Variants in PPP1R9A observed in about 807,000 individuals in gnomAD.
PPP1R9A encodes neurabin-1.
Under a neutral mutation model 141.9 loss-of-function variants are expected in PPP1R9A, and 59 were observed. The ratio of observed to expected loss-of-function variants is 0.42; its 90% CI spans 0.34 to 0.52. The LOEUF (loss-of-function observed/expected upper bound fraction) is 0.52, where lower values mean the gene tolerates loss of function less well. Ranked by LOEUF, PPP1R9A falls within the 20% of genes least tolerant of loss-of-function variation. The pLI, the probability that PPP1R9A is intolerant of heterozygous loss-of-function variation, is 0.10. For missense variants in PPP1R9A, 1,444 were observed against 1,611.9 expected, an observed-to-expected ratio of 0.90 and a Z score of 1.78; for synonymous variants, 500 against 569.7, an observed-to-expected ratio of 0.88 and a Z score of 1.74.
chr7:95,153,034 G>A (rs778602563), intron 4 of PPP1R9A, among the ~76,000 whole-genome samples: 63 of 151,880 alleles, frequency 4.1e-4, no homozygotes, highest in Non-Finnish European at 1.3e-4. Flanking sequence ...ATTTTTAATA[G>A]AGGTAGAGTT....
In PPP1R9A at chr7:95,284,227, C is replaced by T. The variant is rs760155505; in HGVS notation, c.3506C>T (p.Thr1169Ile). 1 of 1,567,338 alleles carries T rather than the reference C, an allele frequency of 6.4e-7. No homozygotes were observed. ...AAAAAGGGGTCCAAGGTAGAAAACA[C>T]ATGGATTACAAAAGCAAACAAGAGA... is the stretch of plus-strand genomic sequence containing the variant. Reference protein sequence around the residue: ...SDKKGSKVENTWITKANKRNP... With the variant: ...SDKKGSKVENIWITKANKRNP... The change falls in exon 17 of 20, where the codon ACA becomes ATA. Residue 1169 changes from threonine (T) to isoleucine (I), a missense_variant. Thr to Ile is a moderately conservative substitution (Grantham distance 89, BLOSUM62 -1). This residue lies in a region of PPP1R9A where 459 missense variants were observed against 513.8 expected (regional missense o/e 0.89). Transcript: ENST00000433360.
intron 2 of PPP1R9A, among the ~76,000 whole-genome samples, chr7:94,980,362 T>C (rs1245241783): frequency 6.6e-6 from 1 of 152,122 alleles, no homozygotes; most frequent in Non-Finnish European, 1.5e-5. Flanking sequence ...ATTAATATTG[T>C]ATTAATATTA....
At chr7:95,162,016 G>A in intron 5 of PPP1R9A, 45 bp downstream of exon 5, 1 of 1,237,952 alleles carries the variant, frequency 8.1e-7, no homozygotes, top group Non-Finnish European at 1.1e-6. Flanking sequence ...TACTTTAGTT[G>A]AATTTTAATT....
At chr7:95,229,061 G>T (rs942648330) in intron 8 of PPP1R9A, among the ~76,000 whole-genome samples, 4 of 152,006 alleles carry the variant, frequency 2.6e-5, no homozygotes, top group Admixed American at 2.6e-4. Context: ...AATGAAGGTT[G>T]CCACAGCACT....
chr7:95,135,924 C>T (rs1348637236), intron 4 of PPP1R9A, among the ~76,000 whole-genome samples: 4 of 129,020 alleles, frequency 3.1e-5, no homozygotes, highest in African/African-American at 8.6e-5. Context: ...CATGGCTCAA[C>T]TTTAATTTGG....
In PPP1R9A at chr7:94,965,044, G is replaced by A. The variant is rs574243104; in HGVS notation, c.1395+53536G>A. The stretch of plus-strand genomic sequence containing the variant: ...AACTAGCATGAGATGGTATCTCATT[G>A]TGGTTTTCATTTGTATTTCTCTAAT... On this transcript the variant is annotated intron_variant, in intron 2 of 19. Coordinates refer to ENST00000433360, the MANE Select transcript of PPP1R9A (RefSeq NM_001166160.2). Among the ~76,000 whole-genome samples the A allele has an allele frequency of 6.6e-5, 10 of 152,216 alleles. No individual in the cohort carries two copies. In the East Asian group the frequency reaches 1.9e-3, roughly 29 times the overall value.
In PPP1R9A at chr7:95,273,702, C is replaced by T. The variant is rs1184064837; in HGVS notation, c.3125-197C>T. Among the ~76,000 whole-genome samples, 3 of 152,284 alleles carry T rather than the reference C, an allele frequency of 2.0e-5. No homozygotes were observed. In the East Asian group the frequency reaches 5.8e-4, roughly 29 times the overall value. On this transcript the variant is annotated intron_variant, in intron 14 of 19. Transcript: ENST00000433360. ...TTGTGATGAATGTTGAGCCTCTGTCCTATAGAGGACCTCCCCTGCTTAACT... is the reference window on the plus strand; with the variant it reads ...TTGTGATGAATGTTGAGCCTCTGTCTTATAGAGGACCTCCCCTGCTTAACT...
At chr7:94,969,457 TG>T (rs757296636) in intron 2 of PPP1R9A, among the ~76,000 whole-genome samples, 15 of 152,246 alleles carry the variant, frequency 9.9e-5, no homozygotes, top group Non-Finnish European at 2.1e-4. Flanking sequence ...CCTGTTTGCC[TG>T]GGTATTACCA....
At chr7:95,152,093 A>AG (rs921271621) in intron 4 of PPP1R9A, among the ~76,000 whole-genome samples, 1 of 151,748 alleles carries the variant, frequency 6.6e-6, no homozygotes, top group African/African-American at 2.4e-5. Flanking sequence ...CTGGGACTAC[A>AG]GGTGCGTGCC....
intron 5 of PPP1R9A, among the ~76,000 whole-genome samples, chr7:95,172,605 A>G (rs906892351): frequency 3.9e-5 from 6 of 151,918 alleles, no homozygotes; most frequent in Non-Finnish European, 8.8e-5. Context: ...ACTTAAAACA[A>G]CAAAATATTG....
Position 95,281,292 on chromosome 7 carries a change from A to T in PPP1R9A, c.3297-2726A>T, listed in dbSNP as rs545324694. 3.3e-5 allele frequency among the ~76,000 whole-genome samples: 5 copies of T among 152,290 alleles called. No homozygotes were observed. The East Asian group carries it at 9.6e-4, about 29-fold the overall frequency. On this transcript the variant is annotated intron_variant, in intron 16 of 19. Transcript: ENST00000433360. ...AAAATATTCTTCAAAATATCCCTGA[A>T]TCTGGTGATTTGCCACTGTAGAGAC...
chr7:94,953,778 A>C (rs778404934), intron 2 of PPP1R9A, among the ~76,000 whole-genome samples: 1 of 152,160 alleles, frequency 6.6e-6, no homozygotes, highest in Non-Finnish European at 1.5e-5. Context: ...ATTGGTGTAT[A>C]GGAATGCTTG....
intron 8 of PPP1R9A, among the ~76,000 whole-genome samples, chr7:95,241,550 GGC>G (rs1187083783): frequency 1.3e-5 from 2 of 152,018 alleles, no homozygotes; most frequent in Non-Finnish European, 2.9e-5. Context: ...TGATTACACT[GGC>G]AGTTTAATGG....
intron 7 of PPP1R9A, among the ~76,000 whole-genome samples, chr7:95,204,041 G>T (rs1204185806): frequency 6.6e-6 from 1 of 152,078 alleles, no homozygotes; most frequent in African/African-American, 2.4e-5. Flanking sequence ...TCCAACAGCA[G>T]GTCTGTATGA....
At chr7:95,108,293 TTTTCG>T (rs1819872398) in intron 2 of PPP1R9A, among the ~76,000 whole-genome samples, 1 of 146,178 alleles carries the variant, frequency 6.8e-6, no homozygotes, top group African/African-American at 2.5e-5. Context: ...TTTCTTTTCT[TTTTCG>T]TTTCTTTTCT....
At chr7:95,277,234 T>G (rs906462678) in intron 16 of PPP1R9A, among the ~76,000 whole-genome samples, 1 of 152,206 alleles carries the variant, frequency 6.6e-6, no homozygotes, top group African/African-American at 2.4e-5. Context: ...TGGTCTTGGT[T>G]TTAGTTTTTT....
Position 95,290,352 on chromosome 7 carries a change from C to G in PPP1R9A, c.*49C>G. Reference sequence around the variant, plus strand: ...GAGATGCTCCAAGAGAAGTCCCCACCTCTTCCTGCCCTGCTCTCCTCCAGA... The same window carrying G: ...GAGATGCTCCAAGAGAAGTCCCCACGTCTTCCTGCCCTGCTCTCCTCCAGA... On this transcript the variant is annotated 3_prime_UTR_variant, in exon 20 of 20. Transcript: ENST00000433360. 1 of 1,536,868 alleles carries G rather than the reference C, an allele frequency of 6.5e-7. No homozygotes were observed. Among genetic ancestry groups the G allele is most frequent in the South Asian group, 1.2e-5 (1 of 83,998 alleles).
intron 5 of PPP1R9A, among the ~76,000 whole-genome samples, chr7:95,166,470 T>A (rs991811990): frequency 6.6e-6 from 1 of 152,046 alleles, no homozygotes; most frequent in Non-Finnish European, 1.5e-5. Flanking sequence ...CAGGAAGAAA[T>A]AGAAAACTGG....
At chr7:95,244,086 T>A (rs1433414606) in intron 8 of PPP1R9A, among the ~76,000 whole-genome samples, 1 of 152,212 alleles carries the variant, frequency 6.6e-6, no homozygotes, top group Non-Finnish European at 1.5e-5. Context: ...AGGCCTCATG[T>A]GTACTAAGAA....
Sources: gnomAD v4.1 joint callset for allele counts (sites outside exome capture counted in the v4.1 genomes callset) on GRCh38, gnomAD v4.1.1 for gene constraint, gnomAD v4.1.1 regional missense constraint, MANE v1.5 for transcripts, NCBI Gene and HGNC (gene_info 2026-07-23, HGNC 2026-07-21) for gene names.